The following ANKS1B variants were observed in gnomAD, a reference collection of about 807,000 sequenced individuals.
ANKS1B encodes the protein ankyrin repeat and sterile alpha motif domain-containing protein 1B.
ANKS1B carries 36 observed loss-of-function variants against 148.3 expected under a neutral mutation model. That is an observed-to-expected ratio of 0.24 (90% CI 0.19 to 0.32). The LOEUF (loss-of-function observed/expected upper bound fraction) is 0.32, where lower values mean the gene tolerates loss of function less well. ANKS1B is among the 10% of genes least tolerant of loss of function. The probability of loss-of-function intolerance (pLI) is 1.00; values close to 1 mark genes in which losing one functional copy is unlikely to be tolerated. For synonymous variants in ANKS1B, 542 were observed against 560.8 expected (o/e 0.97, Z 0.47); for missense variants, 1,157 against 1,542.6 (o/e 0.75, Z 4.19).
chr12:99,903,063 G>T (rs934158), intron 1 of ANKS1B, among the ~76,000 whole-genome samples: 35,745 of 152,058 alleles, frequency 0.24, 5,810 homozygotes, highest in African/African-American at 0.46. Context: ...CCAGCCCTGT[G>T]ATACATATTA....
intron 10 of ANKS1B, among the ~76,000 whole-genome samples, chr12:99,463,671 C>T (rs968102837): frequency 6.6e-6 from 1 of 152,192 alleles, no homozygotes; most frequent in Non-Finnish European, 1.5e-5. Context: ...CCTACGCCCA[C>T]GGAGTCTCAC....
chr12:99,100,256 G>A (rs2057534629), intron 15 of ANKS1B, among the ~76,000 whole-genome samples: 1 of 152,070 alleles, frequency 6.6e-6, no homozygotes, highest in Non-Finnish European at 1.5e-5. Flanking sequence ...TAGTTCTAGA[G>A]GTTGCCTTAA....
intron 16 of ANKS1B, among the ~76,000 whole-genome samples, chr12:99,074,387 C>A (rs1035189008): frequency 6.6e-6 from 1 of 151,510 alleles, no homozygotes; most frequent in Non-Finnish European, 1.5e-5. Context: ...AATGTAGTAG[C>A]CATCTTGCTT....
intron 1 of ANKS1B, among the ~76,000 whole-genome samples, chr12:99,927,062 A>G (rs1341522795): frequency 6.6e-6 from 1 of 152,218 alleles, no homozygotes; most frequent in Non-Finnish European, 1.5e-5. Context: ...TAGAAACTGA[A>G]AGAGAGTTGA....
At chr12:99,681,775 C>T (rs554967717) in intron 8 of ANKS1B, among the ~76,000 whole-genome samples, 18 of 152,266 alleles carry the variant, frequency 1.2e-4, no homozygotes, top group African/African-American at 4.1e-4. Flanking sequence ...TATGACAAAA[C>T]AAGGACCATT....
At chr12:98,784,970 A>T (rs2098776713) in intron 22 of ANKS1B, among the ~76,000 whole-genome samples, 1 of 152,098 alleles carries the variant, frequency 6.6e-6, no homozygotes, top group Non-Finnish European at 1.5e-5. Context: ...TTTGACAAGA[A>T]GCTGATGGAT....
chr12:99,498,395 T>C (rs1028467342), intron 10 of ANKS1B, among the ~76,000 whole-genome samples: 2 of 152,154 alleles, frequency 1.3e-5, no homozygotes, highest in Non-Finnish European at 2.9e-5. Context: ...ATGTACTCTG[T>C]TCTTTCACCC....
intron 17 of ANKS1B, among the ~76,000 whole-genome samples, chr12:98,981,601 G>T (rs989636514): frequency 1.3e-5 from 2 of 152,212 alleles, no homozygotes; most frequent in Non-Finnish European, 2.9e-5. Context: ...CTCCCAAAGT[G>T]CTGGGATTAC....
intron 8 of ANKS1B, among the ~76,000 whole-genome samples, chr12:99,679,667 A>G (rs1300148942): frequency 1.3e-5 from 2 of 152,108 alleles, no homozygotes; most frequent in Admixed American, 1.3e-4. Context: ...AGAAAAGCAG[A>G]TATTTTCAAA....
At chr12:99,898,634 T>C (rs1056282773) in intron 1 of ANKS1B, among the ~76,000 whole-genome samples, 1 of 152,190 alleles carries the variant, frequency 6.6e-6, no homozygotes, top group Non-Finnish European at 1.5e-5. Context: ...ATCTGTTTTC[T>C]GTAATTTGCT....
At chr12:98,933,554 G>T (rs1361880817) in intron 17 of ANKS1B, among the ~76,000 whole-genome samples, 3 of 151,656 alleles carry the variant, frequency 2.0e-5, no homozygotes, top group African/African-American at 2.4e-5. Flanking sequence ...ACATATGTTT[G>T]TTTTTTTTAA....
chr12:99,526,764 T>C (rs376194926), intron 9 of ANKS1B, among the ~76,000 whole-genome samples: 21 of 152,292 alleles, frequency 1.4e-4, no homozygotes, highest in South Asian at 1.0e-3. Flanking sequence ...AATGTTACTT[T>C]GGGTATGATA....
chr12:99,613,386 T>C (rs2097918423), intron 9 of ANKS1B, among the ~76,000 whole-genome samples: 1 of 152,076 alleles, frequency 6.6e-6, no homozygotes, highest in African/African-American at 2.4e-5. Flanking sequence ...TGTTCCATTA[T>C]AAAATACATG....
chr12:99,637,156 A>G (rs887582847), intron 9 of ANKS1B, among the ~76,000 whole-genome samples: 1 of 152,112 alleles, frequency 6.6e-6, no homozygotes, highest in African/African-American at 2.4e-5. Flanking sequence ...AAATACAAAA[A>G]AGAAAATTAG....
chr12:99,550,601 G>C (rs2097208924), intron 9 of ANKS1B, among the ~76,000 whole-genome samples: 1 of 149,840 alleles, frequency 6.7e-6, no homozygotes, highest in Non-Finnish European at 1.5e-5. Context: ...TCCAGCCTGG[G>C]TGACAGAGTG....
At chr12:99,387,758 T>TG (rs77694472) in intron 12 of ANKS1B, among the ~76,000 whole-genome samples, 6,709 of 151,994 alleles carry the variant, frequency 0.044, 416 homozygotes, top group African/African-American at 0.13. Context: ...CTTCTGGAAC[T>TG]CAGGAAAGTT....
intron 8 of ANKS1B, among the ~76,000 whole-genome samples, chr12:99,718,189 C>T (rs544338023): frequency 9.2e-5 from 14 of 152,216 alleles, no homozygotes; most frequent in South Asian, 2.1e-4. Flanking sequence ...CGTGAGCCAC[C>T]GCGCCCAGCC....
intron 8 of ANKS1B, among the ~76,000 whole-genome samples, chr12:99,761,105 A>G (rs371760928): frequency 2.7e-5 from 4 of 149,346 alleles, no homozygotes; most frequent in African/African-American, 9.8e-5. Flanking sequence ...AAGGATTTAC[A>G]GCTGAATTCT....
chr12:99,121,720 A>G (rs2062950974), intron 15 of ANKS1B, among the ~76,000 whole-genome samples: 1 of 152,190 alleles, frequency 6.6e-6, no homozygotes, highest in Non-Finnish European at 1.5e-5. Flanking sequence ...AGTGTTGCTA[A>G]GGGCCATCAA....
Sources: allele counts gnomAD v4.1 joint callset (sites outside exome capture counted in the v4.1 genomes callset), GRCh38; gene constraint gnomAD v4.1.1; transcripts MANE v1.5; gene names NCBI Gene and HGNC (gene_info 2026-07-23, HGNC 2026-07-21).